TNIP2: variants seen among roughly 807,000 people sequenced by gnomAD.
The protein encoded by TNIP2 is TNFAIP3-interacting protein 2.
A neutral mutation model predicts 43.7 loss-of-function variants in TNIP2; 30 were observed. The observed-to-expected ratio is 0.69, with a 90% CI of 0.51 to 0.93. TNIP2 has a LOEUF of 0.93. TNIP2 is among the 40% of genes least tolerant of loss of function. The probability of loss-of-function intolerance (pLI) is 0.00; values close to 1 mark genes in which losing one functional copy is unlikely to be tolerated. For missense variants in TNIP2, 599 were observed against 591.0 expected (o/e 1.01, Z -0.14); for synonymous variants, 260 against 254.6 (o/e 1.02, Z -0.20).
Position 2,742,339 on chromosome 4 carries a change from A to AG in TNIP2, c.1207dup (p.Leu403ProfsTer12). Reference sequence around the variant, plus strand: ...GCACTGCAGGCAGTGAGGGCACTGAAGGTCCCCCTGGCCTCTCTGGGCCGC... The same window carrying AG: ...GCACTGCAGGCAGTGAGGGCACTGAAGGGTCCCCCTGGCCTCTCTGGGCCGC... On this transcript the variant is annotated frameshift_variant, in exon 6 of 6. Coordinates refer to ENST00000315423, the MANE Select transcript of TNIP2 (RefSeq NM_024309.4). LOFTEE classifies it high-confidence loss of function. The AG allele has an allele frequency of 6.3e-7, 1 of 1,575,530 alleles. No individual in the cohort carries two copies. The highest frequency in any genetic ancestry group is 8.6e-7 in the Non-Finnish European group (1 of 1,158,346).
chr4:2,755,902 A>T (rs1322710165), intron 1 of TNIP2, 112 bp downstream of exon 1: 1 of 1,172,496 alleles, frequency 8.5e-7, no homozygotes, highest in African/African-American at 2.0e-5. Flanking sequence ...CCCAGGACCC[A>T]GTACCCCCTC....
intron 1 of TNIP2, among the ~76,000 whole-genome samples, chr4:2,753,239 G>A (rs991244485): frequency 1.3e-5 from 2 of 151,774 alleles, no homozygotes; most frequent in African/African-American, 4.8e-5. Flanking sequence ...AGGAGTTCTA[G>A]ACCAGCCTGG....
In TNIP2 at chr4:2,744,653, G is replaced by C; in HGVS notation, c.906+44C>G. 6.3e-7 allele frequency: 1 copy of C among 1,586,580 alleles called. No individual in the cohort carries two copies. On this transcript the variant is annotated intron_variant, in intron 4 of 5. Transcript: ENST00000315423. The surrounding 1 kb of genome is among the most constrained non-coding windows in gnomAD (Gnocchi z 5.1). Reference sequence around the variant, plus strand: ...CCATGATTTCGGCCACCACCGGCCAGCAGACATCTGGTCAGTGCCGTCCGG... The same window carrying C: ...CCATGATTTCGGCCACCACCGGCCACCAGACATCTGGTCAGTGCCGTCCGG...
chr4:2,745,315 AG>A, intron 3 of TNIP2, 130 bp downstream of exon 3: 1 of 716,378 alleles, frequency 1.4e-6, no homozygotes, highest in South Asian at 1.7e-5. Context: ...TCCAGTCTCT[AG>A]GGACTGTGTG....
chr4:2,747,563 G>A (rs1390894469), intron 2 of TNIP2, 92 bp downstream of exon 2: 2 of 1,377,424 alleles, frequency 1.5e-6, no homozygotes, highest in African/African-American at 2.9e-5. Flanking sequence ...GTGGGTTCTG[G>A]GGCGCCCCCC....
In TNIP2 at chr4:2,742,119, C is replaced by T. The variant is rs548891943; in HGVS notation, c.*138G>A. 3.5e-5 allele frequency: 30 copies of T among 864,958 alleles called. No homozygotes were observed. The highest frequency in any genetic ancestry group is 3.9e-4 in the Middle Eastern group (1 of 2,536). 53.6% of individuals were successfully genotyped at this position (864,958 alleles called of 1,614,324 possible). ...CCATAGCCAAAGGGACCAAAGTGAACGATCAGAGTGCCCCGCAACTATTCT... is the reference window on the plus strand; with the variant it reads ...CCATAGCCAAAGGGACCAAAGTGAATGATCAGAGTGCCCCGCAACTATTCT... On this transcript the variant is annotated 3_prime_UTR_variant, in exon 6 of 6. Transcript: ENST00000315423.
intron 1 of TNIP2, among the ~76,000 whole-genome samples, chr4:2,754,534 C>A (rs923894597): frequency 1.3e-5 from 2 of 152,088 alleles, no homozygotes; most frequent in Non-Finnish European, 1.5e-5. Context: ...CTCCTGCCTC[C>A]GCCTCCCAAG....
intron 1 of TNIP2, among the ~76,000 whole-genome samples, chr4:2,752,809 C>T (rs1033113771): frequency 4.6e-5 from 7 of 152,116 alleles, no homozygotes; most frequent in South Asian, 2.1e-4. Context: ...TTTGAGAGGC[C>T]GAGACAGGAG....
In TNIP2 at chr4:2,756,243, G is replaced by T; in HGVS notation, c.47C>A (p.Ala16Glu). The change falls in exon 1 of 6, where the codon GCA becomes GAA. Residue 16 changes from alanine (A) to glutamate (E), a missense_variant. By Grantham distance (107) the Ala-to-Glu change is moderately radical (BLOSUM62 -1). Transcript: ENST00000315423. ...GTACAGGGTGCAGAGCGCGGCAGCT[G>T]CGCGCGGGGCCTCCTCCCAGCCGCC... ...GSGGWEEAPR[A>E]AAALCTLYHE... The T allele has an allele frequency of 6.9e-7, 1 of 1,450,434 alleles. No homozygotes were observed. The highest frequency in any genetic ancestry group is 9.0e-7 in the Non-Finnish European group (1 of 1,106,960). The allele number at this position is 1,450,434 out of a possible 1,614,324, so 89.8% of individuals were successfully genotyped here.
rs935542741 is a variant in TNIP2, at chr4:2,749,467, G to A, written c.277-1522C>T. ...AGGTGGGGACAAAATGGATTAGGAC[G>A]GGACTGGTGTCCTTGTAAGCAGACA... On this transcript the variant is annotated intron_variant, in intron 1 of 5. Coordinates refer to ENST00000315423, the MANE Select transcript of TNIP2 (RefSeq NM_024309.4). Among the ~76,000 whole-genome samples the A allele has an allele frequency of 2.0e-5, 3 of 152,196 alleles. 1 individual carries two copies. The South Asian group carries it at 6.2e-4, about 32-fold the overall frequency.
chr4:2,743,093 T>C (rs954915109), intron 5 of TNIP2, among the ~76,000 whole-genome samples: 9 of 152,182 alleles, frequency 5.9e-5, no homozygotes, highest in African/African-American at 2.2e-4. Context: ...GCCTGGGAAC[T>C]TCATTCCAGC....
Position 2,742,119 on chromosome 4 carries a change from C to G in TNIP2, c.*138G>C, listed in dbSNP as rs548891943. The G allele has an allele frequency of 1.2e-6, 1 of 864,838 alleles. No individual in the cohort carries two copies. The highest frequency in any genetic ancestry group is 1.8e-5 in the African/African-American group (1 of 56,830). The allele number at this position is 864,838 out of a possible 1,614,324, so 53.6% of individuals were successfully genotyped here. A position where few individuals can be genotyped will look rare whatever the true frequency, so the allele number is the denominator to read the frequency against. ...CCATAGCCAAAGGGACCAAAGTGAA[C>G]GATCAGAGTGCCCCGCAACTATTCT... On this transcript the variant is annotated 3_prime_UTR_variant, in exon 6 of 6. Transcript: ENST00000315423.
intron 2 of TNIP2, among the ~76,000 whole-genome samples, chr4:2,746,724 C>T (rs754235686): frequency 6.6e-6 from 1 of 152,220 alleles, no homozygotes; most frequent in East Asian, 1.9e-4. Context: ...AGGACCCGAG[C>T]GAGAGGCCCT....
chr4:2,742,087 G>A lies in TNIP2; in HGVS notation c.*170C>T. 3 of 590,688 alleles carry A rather than the reference G, an allele frequency of 5.1e-6. No homozygotes were observed. The highest frequency in any genetic ancestry group is 7.7e-6 in the Non-Finnish European group (3 of 390,378). The allele number at this position is 590,688 out of a possible 1,614,324, so 36.6% of individuals were successfully genotyped here. A position where few individuals can be genotyped will look rare whatever the true frequency, so the allele number is the denominator to read the frequency against. On this transcript the variant is annotated 3_prime_UTR_variant, in exon 6 of 6. Transcript: ENST00000315423. ...CTCACTGGCAGTTCCCTGTGACCCA[G>A]CCTGTTCCATAGCCAAAGGGACCAA...
chr4:2,751,874 G>C (rs1252299752), intron 1 of TNIP2, among the ~76,000 whole-genome samples: 1 of 151,988 alleles, frequency 6.6e-6, no homozygotes, highest in South Asian at 2.1e-4. Flanking sequence ...GGGAGGCTGA[G>C]GTGGGTGGAT....
rs755824908 is a variant in TNIP2, at chr4:2,744,648, G to A, written c.906+49C>T. ...CTGTCCCATGATTTCGGCCACCACC[G>A]GCCAGCAGACATCTGGTCAGTGCCG... On this transcript the variant is annotated intron_variant, in intron 4 of 5. Coordinates refer to ENST00000315423, the MANE Select transcript of TNIP2 (RefSeq NM_024309.4). This position sits in a 1 kb window ranked among gnomAD's most constrained non-coding sequence, Gnocchi z 5.1. 17 of 1,583,366 alleles carry A rather than the reference G, an allele frequency of 1.1e-5. No homozygotes were observed. The highest frequency in any genetic ancestry group is 3.4e-5 in the Admixed American group (2 of 59,032).
chr4:2,754,535 G>A (rs562176074), intron 1 of TNIP2, among the ~76,000 whole-genome samples: 4 of 152,230 alleles, frequency 2.6e-5, no homozygotes, highest in Non-Finnish European at 4.4e-5. Flanking sequence ...TCCTGCCTCC[G>A]CCTCCCAAGT....
intron 1 of TNIP2, among the ~76,000 whole-genome samples, chr4:2,750,134 G>A (rs534909616): frequency 4.6e-5 from 7 of 152,188 alleles, no homozygotes; most frequent in African/African-American, 1.7e-4. Flanking sequence ...CCTTAAATTT[G>A]TACTTTTCCG....
rs1386766399 is a variant in TNIP2, at chr4:2,745,481, C to T, written c.622G>A (p.Glu208Lys). The T allele has an allele frequency of 6.2e-7, 1 of 1,613,606 alleles. No homozygotes were observed. Among genetic ancestry groups the T allele is most frequent in the Non-Finnish European group, 8.5e-7 (1 of 1,179,818 alleles). The change falls in exon 3 of 6, where the codon GAA (glutamate) becomes AAA (lysine). Residue 208 changes from glutamate to lysine, a missense_variant. Transcript: ENST00000315423. Reference protein sequence around the residue: ...SVQSVIEKLQEENRLLKQKVT... With the variant: ...SVQSVIEKLQKENRLLKQKVT... ...TTCTGTTTTAACAGTCGATTTTCTT[C>T]CTGCAACTTCTCAATAACACTCTGG...
Sources: gnomAD v4.1 joint callset for allele counts (sites outside exome capture counted in the v4.1 genomes callset) on GRCh38, gnomAD v4.1.1 for gene constraint, Gnocchi (gnomAD v3.1) non-coding constraint, MANE v1.5 for transcripts, NCBI Gene and HGNC (gene_info 2026-07-23, HGNC 2026-07-21) for gene names.